The following LRRIQ1 variants were observed in gnomAD, a reference collection of about 807,000 sequenced individuals.
LRRIQ1 encodes leucine-rich repeat- and IQ domain-containing protein 1.
In LRRIQ1, 210 loss-of-function variants were observed where a neutral mutation model predicts 211.9. That is an observed-to-expected ratio of 0.99 (90% CI 0.89 to 1.11). The LOEUF (loss-of-function observed/expected upper bound fraction) is 1.11, where lower values mean the gene tolerates loss of function less well. Ranked by LOEUF, LRRIQ1 falls within the 50% of genes most tolerant of loss-of-function variation. The probability of loss-of-function intolerance (pLI) is 0.00; values close to 1 mark genes in which losing one functional copy is unlikely to be tolerated. For missense variants in LRRIQ1, 2,136 were observed against 1,939.5 expected (o/e 1.10, Z -1.90); for synonymous variants, 699 against 650.1 (o/e 1.08, Z -1.14).
At chr12:85,233,749 T>C (rs1019954022) in intron 26 of LRRIQ1, among the ~76,000 whole-genome samples, 3 of 152,168 alleles carry the variant, frequency 2.0e-5, no homozygotes, top group Admixed American at 2.0e-4. Context: ...TCAGCAAATA[T>C]CTTCTTGCAT....
intron 8 of LRRIQ1, among the ~76,000 whole-genome samples, chr12:85,057,507 A>G (rs1881264854): frequency 6.6e-6 from 1 of 152,050 alleles, no homozygotes; most frequent in Non-Finnish European, 1.5e-5. Flanking sequence ...TTATAGTAGG[A>G]AACTCCTAAG....
At chr12:85,042,297 G>T (rs1022994543) in intron 3 of LRRIQ1, among the ~76,000 whole-genome samples, 11 of 150,776 alleles carry the variant, frequency 7.3e-5, no homozygotes, top group Admixed American at 6.0e-4. Flanking sequence ...CCTTATAAAA[G>T]ATATTTGACA....
chr12:85,057,372 C>T (rs1881248015), intron 8 of LRRIQ1, among the ~76,000 whole-genome samples, 188 bp downstream of exon 8: 1 of 152,066 alleles, frequency 6.6e-6, no homozygotes, highest in South Asian at 2.1e-4. Flanking sequence ...GGCATCTTCC[C>T]TAAGTGACAC....
chr12:85,246,797 T>G (rs1254782377), downstream of LRRIQ1, among the ~76,000 whole-genome samples: 1 of 151,444 alleles, frequency 6.6e-6, no homozygotes, highest in African/African-American at 2.4e-5. Flanking sequence ...TTTAAAAAAA[T>G]AATAAAATGA....
intron 26 of LRRIQ1, among the ~76,000 whole-genome samples, chr12:85,243,249 A>G (rs570089715): frequency 4.0e-5 from 6 of 148,222 alleles, no homozygotes; most frequent in African/African-American, 1.5e-4. Context: ...TAATGCAGCT[A>G]TTCTAATGTT....
intron 23 of LRRIQ1, among the ~76,000 whole-genome samples, chr12:85,160,111 A>T (rs1044551981): frequency 6.6e-6 from 1 of 152,044 alleles, no homozygotes; most frequent in East Asian, 1.9e-4. Context: ...TATTTACAAC[A>T]TTAAAAATCT....
intron 11 of LRRIQ1, among the ~76,000 whole-genome samples, chr12:85,096,245 A>C (rs1885869520): frequency 6.6e-6 from 1 of 152,070 alleles, no homozygotes; most frequent in Non-Finnish European, 1.5e-5. Flanking sequence ...TCCAGTAGGC[A>C]TGATGTTAAA....
intron 8 of LRRIQ1, among the ~76,000 whole-genome samples, chr12:85,064,688 T>G (rs1882239541): frequency 6.6e-6 from 1 of 151,890 alleles, no homozygotes; most frequent in Admixed American, 6.6e-5. Context: ...TAATCTATTT[T>G]AATTTGATTT....
At chr12:85,225,188 G>A (rs940050848) in intron 24 of LRRIQ1, among the ~76,000 whole-genome samples, 14 of 151,736 alleles carry the variant, frequency 9.2e-5, no homozygotes, top group African/African-American at 3.4e-4. Flanking sequence ...TATTATATTG[G>A]GCATTATGAG....
chr12:85,258,598 T>C (rs1295587226), intron 1 of LRRIQ1, among the ~76,000 whole-genome samples: 1 of 151,948 alleles, frequency 6.6e-6, no homozygotes, highest in Non-Finnish European at 1.5e-5. Flanking sequence ...GCAACTGTTA[T>C]TTGAATATTG....
chr12:85,104,974 A>C (rs548175921), intron 14 of LRRIQ1, among the ~76,000 whole-genome samples: 10 of 152,168 alleles, frequency 6.6e-5, no homozygotes, highest in Admixed American at 2.0e-4. Flanking sequence ...TTGTGGTTTT[A>C]GTTTGCATTG....
chr12:85,158,787 A>G (rs1034941258), intron 23 of LRRIQ1, among the ~76,000 whole-genome samples: 91 of 151,966 alleles, frequency 6.0e-4, no homozygotes, highest in Admixed American at 6.0e-3. Flanking sequence ...AGTAGACTTA[A>G]GTGTACAAAA....
At chr12:85,178,607 T>G (rs1325587375) in intron 24 of LRRIQ1, among the ~76,000 whole-genome samples, 4 of 151,998 alleles carry the variant, frequency 2.6e-5, no homozygotes, top group Non-Finnish European at 5.9e-5. Flanking sequence ...CTACTTATCT[T>G]CAGTATTTCA....
At chr12:85,234,253 A>G (rs926605528) in intron 26 of LRRIQ1, among the ~76,000 whole-genome samples, 4 of 152,142 alleles carry the variant, frequency 2.6e-5, no homozygotes, top group African/African-American at 9.7e-5. Flanking sequence ...CAAAAAAGTT[A>G]TAATATTTAA....
intron 24 of LRRIQ1, among the ~76,000 whole-genome samples, chr12:85,167,056 A>G (rs1158916957): frequency 6.6e-6 from 1 of 152,178 alleles, no homozygotes; most frequent in Admixed American, 6.5e-5. Flanking sequence ...ATGCTTATAT[A>G]ATATTTTTTA....
At chr12:85,090,021 A>G (rs1466938753) in intron 11 of LRRIQ1, among the ~76,000 whole-genome samples, 1 of 152,224 alleles carries the variant, frequency 6.6e-6, no homozygotes, top group African/African-American at 2.4e-5. Context: ...CTGTGTGGCC[A>G]CAGGATACTG....
chr12:85,204,164 C>T (rs1893428969), intron 24 of LRRIQ1, among the ~76,000 whole-genome samples: 1 of 152,178 alleles, frequency 6.6e-6, no homozygotes, highest in Non-Finnish European at 1.5e-5. Context: ...AAGCCCCAAA[C>T]CTTGGCAGCT....
exon 2 of LRRIQ1, chr12:85,263,631 T>C (rs1370203276): frequency 2.0e-5 from 3 of 151,988 alleles, no homozygotes; most frequent in Non-Finnish European, 4.4e-5. Context: ...GAAATTTAAG[T>C]AATTACCAAT....
intron 24 of LRRIQ1, among the ~76,000 whole-genome samples, chr12:85,190,363 A>G (rs1397637477): frequency 6.8e-6 from 1 of 146,700 alleles, no homozygotes; most frequent in Admixed American, 6.9e-5. Context: ...AACTGTAACT[A>G]TACAGTTAAT....
Sources: allele counts gnomAD v4.1 joint callset (sites outside exome capture counted in the v4.1 genomes callset), GRCh38; gene constraint gnomAD v4.1.1; transcripts MANE v1.5; gene names NCBI Gene and HGNC (gene_info 2026-07-23, HGNC 2026-07-21).